Variants in ARID1B observed in about 807,000 individuals in gnomAD.
The protein encoded by ARID1B is AT-rich interaction domain 1B.
ARID1B carries 30 observed loss-of-function variants against 212.3 expected under a neutral mutation model. That is an observed-to-expected ratio of 0.14 (90% CI 0.11 to 0.19). ARID1B has a LOEUF of 0.19. Ranked by LOEUF, ARID1B falls within the 10% of genes least tolerant of loss-of-function variation. ARID1B has a pLI of 1.00. For missense variants in ARID1B, 2,891 were observed against 3,204.0 expected, an observed-to-expected ratio of 0.90 and a Z score of 2.36; for synonymous variants, 1,402 against 1,301.7, an observed-to-expected ratio of 1.08 and a Z score of -1.66.
In ARID1B at chr6:157,190,282, C is replaced by T. The variant is rs546622145; in HGVS notation, c.4231+72C>T. On this transcript the variant is annotated intron_variant, in intron 15 of 19. Coordinates refer to ENST00000636930, the MANE Select transcript of ARID1B (RefSeq NM_001374828.1). This position sits in a 1 kb window ranked among gnomAD's most constrained non-coding sequence, Gnocchi z 4.6. The stretch of plus-strand genomic sequence containing the variant: ...TACTCTCTGCCGTTCCACAACAGTT[C>T]ACCTTTCACTCAGAACACCTCTGAG... 125 of 1,496,342 alleles carry T rather than the reference C, an allele frequency of 8.4e-5. 1 individual carries two copies. In the South Asian group the frequency reaches 1.4e-3, roughly 17 times the overall value. 92.7% of individuals were successfully genotyped at this position (1,496,342 alleles called of 1,614,324 possible).
intron 16 of ARID1B, 23 bp downstream of exon 16, chr6:157,196,338 A>G (rs537361284): frequency 5.5e-5 from 87 of 1,579,832 alleles, no homozygotes; most frequent in South Asian, 4.6e-4. Flanking sequence ...TAAGATGACA[A>G]TATGATGATT....
At chr6:156,833,744 A>G (rs1783304178) in intron 2 of ARID1B, among the ~76,000 whole-genome samples, 1 of 152,232 alleles carries the variant, frequency 6.6e-6, no homozygotes, top group African/African-American at 2.4e-5. Flanking sequence ...TGAACTTATT[A>G]CTTCATATTG....
At chr6:156,996,700 AAG>A (rs1424319731) in intron 4 of ARID1B, among the ~76,000 whole-genome samples, 4 of 152,338 alleles carry the variant, frequency 2.6e-5, no homozygotes, top group East Asian at 1.9e-4. Context: ...TTTATAAAAA[AAG>A]AATGTGAATT....
At chr6:156,847,635 T>G (rs1359123671) in intron 2 of ARID1B, among the ~76,000 whole-genome samples, 5 of 152,170 alleles carry the variant, frequency 3.3e-5, no homozygotes, top group Non-Finnish European at 2.9e-5. Flanking sequence ...AGGATGAAGA[T>G]GATCCTAGTG....
chr6:156,917,236 A>T (rs1211185804), intron 3 of ARID1B, among the ~76,000 whole-genome samples: 3 of 152,158 alleles, frequency 2.0e-5, no homozygotes, highest in Admixed American at 2.0e-4. Context: ...CTTCAAGTTG[A>T]TATAGTTGTT....
intron 1 of ARID1B, among the ~76,000 whole-genome samples, chr6:156,802,721 AG>A (rs1780874754): frequency 6.6e-6 from 1 of 152,236 alleles, no homozygotes; most frequent in South Asian, 2.1e-4. Flanking sequence ...CAGAGTGCAA[AG>A]CTTTTAAATA....
intron 3 of ARID1B, among the ~76,000 whole-genome samples, chr6:156,931,703 C>G (rs983141612): frequency 1.3e-5 from 2 of 152,028 alleles, no homozygotes; most frequent in African/African-American, 4.8e-5. Flanking sequence ...TGGCTCACGC[C>G]TGTAATCCCA....
chr6:157,126,919 C>T (rs1460290567), intron 6 of ARID1B, among the ~76,000 whole-genome samples: 1 of 152,122 alleles, frequency 6.6e-6, no homozygotes, highest in Non-Finnish European at 1.5e-5. Context: ...GCTTGCTATT[C>T]GCAAACTCTG....
intron 4 of ARID1B, among the ~76,000 whole-genome samples, chr6:157,021,242 A>G (rs758925343): frequency 2.0e-5 from 3 of 152,128 alleles, no homozygotes; most frequent in Non-Finnish European, 4.4e-5. Context: ...TGTTTTATTC[A>G]AGCCCCGGCC....
intron 8 of ARID1B, among the ~76,000 whole-genome samples, chr6:157,156,037 G>A (rs531800607): frequency 9.9e-5 from 15 of 152,258 alleles, no homozygotes; most frequent in African/African-American, 3.1e-4. Flanking sequence ...ATGCAATTCT[G>A]CTGATGGACG....
intron 3 of ARID1B, among the ~76,000 whole-genome samples, chr6:156,913,913 C>T (rs113703659): frequency 7.0e-5 from 10 of 143,794 alleles, no homozygotes; most frequent in East Asian, 4.4e-4. Context: ...TCCCAGCCCC[C>T]GGTGATCCCA....
intron 2 of ARID1B, among the ~76,000 whole-genome samples, chr6:156,895,595 G>A (rs1788314297): frequency 6.6e-6 from 1 of 152,114 alleles, no homozygotes; most frequent in Admixed American, 6.5e-5. Context: ...CCTCTTTTTG[G>A]GAGGATGTGG....
At chr6:157,064,219 TC>T (rs1165711808) in intron 4 of ARID1B, among the ~76,000 whole-genome samples, 1 of 152,214 alleles carries the variant, frequency 6.6e-6, no homozygotes, top group Non-Finnish European at 1.5e-5. Flanking sequence ...ATACAGTTTT[TC>T]CTGAGCCATC....
chr6:156,902,505 T>C (rs545236016), intron 3 of ARID1B, among the ~76,000 whole-genome samples: 63 of 152,110 alleles, frequency 4.1e-4, no homozygotes, highest in Non-Finnish European at 7.8e-4. Context: ...GTTTCTTACA[T>C]ATTTTCTTGG....
intron 4 of ARID1B, among the ~76,000 whole-genome samples, chr6:157,009,167 C>T (rs1354453460): frequency 6.6e-6 from 1 of 151,820 alleles, no homozygotes; most frequent in Non-Finnish European, 1.5e-5. Context: ...GTAGTGCTCA[C>T]AGTCATTTGT....
At chr6:157,176,584 G>A (rs1792116942) in intron 11 of ARID1B, among the ~76,000 whole-genome samples, 2 of 152,148 alleles carry the variant, frequency 1.3e-5, no homozygotes, top group African/African-American at 4.8e-5. Context: ...GGTGGCTCAC[G>A]CCTATAATCC....
chr6:156,820,037 A>G (rs1019801076), intron 1 of ARID1B, among the ~76,000 whole-genome samples: 1 of 152,104 alleles, frequency 6.6e-6, no homozygotes, highest in Non-Finnish European at 1.5e-5. Context: ...TGACATGAAT[A>G]TCTGGGTGGA....
intron 9 of ARID1B, 190 bp downstream of exon 9, chr6:157,167,375 G>C: frequency 1.8e-6 from 1 of 550,938 alleles, no homozygotes; most frequent in Non-Finnish European, 2.9e-6. Context: ...TATATTTTAT[G>C]TAAATTATTT....
intron 1 of ARID1B, among the ~76,000 whole-genome samples, chr6:156,784,348 G>A (rs926846619): frequency 6.6e-6 from 1 of 152,150 alleles, no homozygotes; most frequent in African/African-American, 2.4e-5. Flanking sequence ...ATATATTTCT[G>A]TATCATAGAT....
Sources: allele counts gnomAD v4.1 joint callset (sites outside exome capture counted in the v4.1 genomes callset), GRCh38; gene constraint gnomAD v4.1.1; non-coding constraint Gnocchi (gnomAD v3.1); transcripts MANE v1.5; gene names NCBI Gene and HGNC (gene_info 2026-07-23, HGNC 2026-07-21).